The following FRK variants were observed in gnomAD, a reference collection of about 807,000 sequenced individuals.
FRK encodes the protein fyn related Src family tyrosine kinase, also known as tyrosine-protein kinase FRK.
Under a neutral mutation model 56.4 loss-of-function variants are expected in FRK, and 51 were observed. The observed-to-expected ratio is 0.90, with a 90% confidence interval of 0.72 to 1.14. The LOEUF is 1.14. FRK is among the 50% of genes most tolerant of loss of function. FRK has a pLI of 0.00. For missense variants in FRK, 570 were observed against 601.4 expected, an observed-to-expected ratio of 0.95 and a Z score of 0.55; for synonymous variants, 245 against 217.9, an observed-to-expected ratio of 1.12 and a Z score of -1.10.
intron 1 of FRK, among the ~76,000 whole-genome samples, chr6:116,049,257 C>T (rs976302969): frequency 2.6e-5 from 4 of 152,134 alleles, no homozygotes; most frequent in African/African-American, 9.7e-5. Flanking sequence ...ATGAATGCTT[C>T]AGCTAAACTC....
rs1251419628 is a variant in FRK, at chr6:115,935,953, G to A, written c.*6461C>T. 6.6e-6 allele frequency: 1 copy of A among 152,418 alleles called. No homozygotes were observed. Among genetic ancestry groups the A allele is most frequent in the Non-Finnish European group, 1.5e-5 (1 of 68,204 alleles). The allele number at this position is 152,418 out of a possible 1,614,324, so 9.4% of individuals were successfully genotyped here. On this transcript the variant is annotated 3_prime_UTR_variant, in exon 8 of 8. Coordinates refer to ENST00000606080, the MANE Select transcript of FRK (RefSeq NM_002031.3). ...AATATCTCTGCCGGACAGCTCTGAA[G>A]AGAGTAGTGGATTTCCCAGCACAGT...
chr6:115,971,037 T>A (rs1442556146), intron 2 of FRK, among the ~76,000 whole-genome samples: 1 of 152,212 alleles, frequency 6.6e-6, no homozygotes, highest in African/African-American at 2.4e-5. Context: ...CTGGATGAAT[T>A]CACTTTGTAC....
At chr6:115,997,847 C>G (rs1328941546) in intron 2 of FRK, among the ~76,000 whole-genome samples, 1 of 152,156 alleles carries the variant, frequency 6.6e-6, no homozygotes, top group Non-Finnish European at 1.5e-5. Flanking sequence ...CACTGTCACC[C>G]CATAGGGACT....
Position 115,956,531 on chromosome 6 carries a change from A to G in FRK, c.879T>C (p.Tyr293=). ...TTGGATCTTCTAAAGTGCAAACAGC[A>G]TAAAGCTGGATAAGCTTTGGATGTC... ...NLRHPKLIQL[Y]AVCTLEDPIY... The change falls in exon 5 of 8, where the codon TAT becomes TAC. Residue 293 remains tyrosine, a synonymous_variant. Coordinates refer to ENST00000606080, the MANE Select transcript of FRK (RefSeq NM_002031.3). 6.3e-7 allele frequency: 1 copy of G among 1,596,152 alleles called. No homozygotes were observed. The highest frequency in any genetic ancestry group is 8.5e-7 in the Non-Finnish European group (1 of 1,171,420).
chr6:116,051,703 C>T (rs1777184802), intron 1 of FRK, among the ~76,000 whole-genome samples: 1 of 152,046 alleles, frequency 6.6e-6, no homozygotes, highest in Non-Finnish European at 1.5e-5. Context: ...GAAACTGGCT[C>T]AATCCTTTCA....
At chr6:116,055,620 T>C (rs1203113747) in intron 1 of FRK, among the ~76,000 whole-genome samples, 1 of 152,226 alleles carries the variant, frequency 6.6e-6, no homozygotes, top group African/African-American at 2.4e-5. Flanking sequence ...ATGGCCTTTA[T>C]TGTTTCACAC....
chr6:116,016,249 C>T (rs1775649134), intron 1 of FRK, among the ~76,000 whole-genome samples: 1 of 152,128 alleles, frequency 6.6e-6, no homozygotes, highest in Non-Finnish European at 1.5e-5. Flanking sequence ...CCAGCTCCAG[C>T]TGTGGCTAAA....
chr6:115,995,485 T>C (rs978959816), intron 2 of FRK, among the ~76,000 whole-genome samples: 5 of 152,106 alleles, frequency 3.3e-5, no homozygotes, highest in African/African-American at 1.2e-4. Context: ...CTTTGTTATG[T>C]TTTCCTCCAA....
At chr6:116,018,965 A>G (rs536489465) in intron 1 of FRK, among the ~76,000 whole-genome samples, 8 of 152,296 alleles carry the variant, frequency 5.3e-5, no homozygotes, top group Admixed American at 2.0e-4. Flanking sequence ...CTTGAGGAGC[A>G]TATTTCTCTG....
At chr6:115,970,012 C>A (rs546869429) in intron 2 of FRK, among the ~76,000 whole-genome samples, 63 of 152,232 alleles carry the variant, frequency 4.1e-4, no homozygotes, top group Non-Finnish European at 7.8e-4. Context: ...GCATTCCTTG[C>A]TAAATATATA....
At chr6:116,055,988 C>T (rs1349234717) in intron 1 of FRK, among the ~76,000 whole-genome samples, 1 of 152,182 alleles carries the variant, frequency 6.6e-6, no homozygotes, top group East Asian at 1.9e-4. Flanking sequence ...GCTATCTCAA[C>T]TGCTGCCCTT....
At chr6:116,093,186 A>C in the FRK span, among the ~76,000 whole-genome samples, 28 of 152,158 alleles carry the variant, frequency 1.8e-4, 1 homozygote, top group East Asian at 5.4e-3. Flanking sequence ...TCCCCTTCCT[A>C]TTAATGATAA....
chr6:116,004,808 T>C (rs1562281623), intron 1 of FRK, among the ~76,000 whole-genome samples: 1 of 152,182 alleles, frequency 6.6e-6, no homozygotes, highest in Non-Finnish European at 1.5e-5. Context: ...TAGAAACCAA[T>C]GTGTTCTAAT....
At chr6:116,020,376 C>T (rs1775825161) in intron 1 of FRK, among the ~76,000 whole-genome samples, 1 of 152,054 alleles carries the variant, frequency 6.6e-6, no homozygotes, top group Non-Finnish European at 1.5e-5. Context: ...ACTGCAACCT[C>T]CACCTCCTGG....
In FRK at chr6:115,967,665, T is replaced by A. The variant is rs755354945; in HGVS notation, c.685A>T (p.Ile229Leu). Reference protein sequence around the residue: ...LSYKTVDQWEIDRNSIQLLKR... With the variant: ...LSYKTVDQWELDRNSIQLLKR... ...AGAAGCTGTATGGAGTTGCGGTCTA[T>A]CTCCCATTGGTCCACGGTTTTATAC... Residue 229 changes from isoleucine (I) to leucine (L), a missense_variant, in exon 4 of 8, where the codon ATA becomes TTA. Ile to Leu is a conservative substitution (Grantham distance 5, BLOSUM62 2). Coordinates refer to ENST00000606080, the MANE Select transcript of FRK (RefSeq NM_002031.3). 1 of 1,613,388 alleles carries A rather than the reference T, an allele frequency of 6.2e-7. No homozygotes were observed. Among genetic ancestry groups the A allele is most frequent in the Non-Finnish European group, 8.5e-7 (1 of 1,179,640 alleles).
the FRK span, among the ~76,000 whole-genome samples, chr6:116,066,365 G>A: frequency 3.3e-5 from 5 of 152,106 alleles, no homozygotes; most frequent in South Asian, 1.0e-3. Flanking sequence ...CAAGCTTGCA[G>A]GCAGCCTATT....
intron 1 of FRK, among the ~76,000 whole-genome samples, chr6:116,037,898 A>G (rs1776549037): frequency 6.6e-6 from 1 of 152,206 alleles, no homozygotes; most frequent in African/African-American, 2.4e-5. Flanking sequence ...GAAAGGCCCA[A>G]CTGAAGACAC....
chr6:115,957,804 T>C (rs1773067688), intron 4 of FRK, among the ~76,000 whole-genome samples: 2 of 152,220 alleles, frequency 1.3e-5, no homozygotes, highest in South Asian at 2.1e-4. Flanking sequence ...CTGTGTGATC[T>C]TGAGCAAGTT....
chr6:116,098,166 C>T, the FRK span, among the ~76,000 whole-genome samples: 45 of 134,652 alleles, frequency 3.3e-4, no homozygotes, highest in African/African-American at 1.2e-3. Flanking sequence ...GGCTGGAGTG[C>T]GATGGCCTGA....
Sources: gnomAD v4.1 joint callset for allele counts (sites outside exome capture counted in the v4.1 genomes callset) on GRCh38, gnomAD v4.1.1 for gene constraint, MANE v1.5 for transcripts, NCBI Gene and HGNC (gene_info 2026-07-23, HGNC 2026-07-21) for gene names.